MTSS1: variants seen among roughly 807,000 people sequenced by gnomAD.
MTSS1 encodes MTSS I-BAR domain containing 1.
A neutral mutation model predicts 79.0 loss-of-function variants in MTSS1; 18 were observed. The observed-to-expected ratio is 0.23, with a 90% CI of 0.16 to 0.34. The LOEUF is 0.34. Among genes scored for constraint, MTSS1 ranks in the 10% least tolerant of loss-of-function variants. The pLI is 1.00. For synonymous variants in MTSS1, 341 were observed against 368.6 expected (o/e 0.93, Z 0.86); for missense variants, 815 against 986.2 (o/e 0.83, Z 2.33).
chr8:124,622,220 G>T lies in MTSS1; in HGVS notation c.209-30985C>A, dbSNP rs1459255197. On this transcript the variant is annotated intron_variant, in intron 3 of 13. Coordinates refer to ENST00000518547, the MANE Select transcript of MTSS1 (RefSeq NM_014751.6). ...AGACACAGAAAGACAAACACTGCAT[G>T]ACCTTGCTTGTATGTGATCTTACTT... 7.2e-5 allele frequency among the ~76,000 whole-genome samples: 11 copies of T among 152,134 alleles called. No individual in the cohort carries two copies. In the East Asian group the frequency reaches 2.1e-3, roughly 29 times the overall value.
intron 3 of MTSS1, among the ~76,000 whole-genome samples, chr8:124,662,094 G>A (rs567297679): frequency 3.2e-4 from 49 of 152,288 alleles, no homozygotes; most frequent in African/African-American, 1.2e-3. Context: ...AAAGGCAGGG[G>A]TGGCATGTTA....
intron 3 of MTSS1, among the ~76,000 whole-genome samples, chr8:124,681,385 G>C (rs1390778793): frequency 6.6e-6 from 1 of 152,090 alleles, no homozygotes. Context: ...GTTTTGTTTT[G>C]AGGTATGTCT....
At chr8:124,684,095 CCTTT>C (rs1478616476) in intron 3 of MTSS1, among the ~76,000 whole-genome samples, 2 of 151,958 alleles carry the variant, frequency 1.3e-5, no homozygotes, top group Admixed American at 1.3e-4. Flanking sequence ...ATAGCAAAAA[CCTTT>C]CTTTATTTCT....
In MTSS1 at chr8:124,727,831, G is replaced by A. The variant is rs762854055; in HGVS notation, c.72+53C>T. 6.8e-7 allele frequency: 1 copy of A among 1,471,832 alleles called. No individual in the cohort carries two copies. The highest frequency in any genetic ancestry group is 9.1e-7 in the Non-Finnish European group (1 of 1,103,570). The allele number at this position is 1,471,832 out of a possible 1,614,324, so 91.2% of individuals were successfully genotyped here. A position where few individuals can be genotyped will look rare whatever the true frequency, so the allele number is the denominator to read the frequency against. ...GCCCGGGGTGGAGGCGAAGCGCGGC[G>A]GCGAGGTCAGAGCGCGGCGGCCGGC... On this transcript the variant is annotated intron_variant, in intron 1 of 13. Coordinates refer to ENST00000518547, the MANE Select transcript of MTSS1 (RefSeq NM_014751.6). This position sits in a 1 kb window ranked among gnomAD's most constrained non-coding sequence, Gnocchi z 4.7.
intron 13 of MTSS1, among the ~76,000 whole-genome samples, chr8:124,555,459 G>T (rs1211947500): frequency 1.3e-5 from 2 of 152,076 alleles, no homozygotes. Context: ...TGTTAGCCAG[G>T]ATAGTCTCGA....
chr8:124,601,184 C>T (rs1018885370), intron 3 of MTSS1, among the ~76,000 whole-genome samples: 5 of 151,816 alleles, frequency 3.3e-5, no homozygotes, highest in African/African-American at 9.7e-5. Context: ...CCTCAGCCAC[C>T]CGAGTACCTG....
chr8:124,661,324 T>C (rs958386440), intron 3 of MTSS1, among the ~76,000 whole-genome samples: 1 of 145,516 alleles, frequency 6.9e-6, no homozygotes, highest in South Asian at 2.2e-4. Flanking sequence ...TTCTTCTAGG[T>C]TTTTTTTTTT....
chr8:124,615,410 A>G (rs2133385150), intron 3 of MTSS1, among the ~76,000 whole-genome samples: 1 of 152,360 alleles, frequency 6.6e-6, no homozygotes, highest in African/African-American at 2.4e-5. Flanking sequence ...AAATCCTGAC[A>G]CAGGCTCCAA....
At chr8:124,674,187 G>A (rs1824845738) in intron 3 of MTSS1, among the ~76,000 whole-genome samples, 1 of 152,106 alleles carries the variant, frequency 6.6e-6, no homozygotes. Context: ...CTGGAGTGCA[G>A]TGCCACAATC....
At chr8:124,587,101 C>T (rs1036503576) in intron 5 of MTSS1, among the ~76,000 whole-genome samples, 3 of 152,186 alleles carry the variant, frequency 2.0e-5, no homozygotes, top group Admixed American at 6.5e-5. Flanking sequence ...AAGTCTGCAC[C>T]GGCTCCTCAC....
At chr8:124,585,049 T>G (rs763116077) in intron 6 of MTSS1, 38 bp downstream of exon 6, 13 of 1,554,624 alleles carry the variant, frequency 8.4e-6, no homozygotes, top group Non-Finnish European at 1.1e-5. Flanking sequence ...AAGTACTCCA[T>G]CAGGAAGTAA....
At chr8:124,689,869 T>C (rs999618718) in intron 3 of MTSS1, among the ~76,000 whole-genome samples, 1 of 151,756 alleles carries the variant, frequency 6.6e-6, no homozygotes. Context: ...GCAGTGGGGA[T>C]GGGGTGGGGT....
At chr8:124,568,270 T>A in intron 7 of MTSS1, 109 bp downstream of exon 7, 5 of 1,317,048 alleles carry the variant, frequency 3.8e-6, no homozygotes, top group Non-Finnish European at 5.2e-6. Context: ...ACCACCATCA[T>A]GATTCCTGAC....
chr8:124,592,043 C>T (rs1455465375), intron 3 of MTSS1, among the ~76,000 whole-genome samples: 1 of 152,132 alleles, frequency 6.6e-6, no homozygotes, highest in African/African-American at 2.4e-5. Context: ...ACCTCAGCCT[C>T]CCAAAGTGCT....
At chr8:124,710,423 C>G (rs775027328) in intron 1 of MTSS1, among the ~76,000 whole-genome samples, 19 of 131,336 alleles carry the variant, frequency 1.4e-4, no homozygotes, top group Non-Finnish European at 3.0e-4. Context: ...AGTTTGGTGG[C>G]CACCTAAACA....
In MTSS1 at chr8:124,692,584, C is replaced by A. The variant is rs530271425; in HGVS notation, c.208+6942G>T. 2.0e-4 allele frequency among the ~76,000 whole-genome samples: 31 copies of A among 152,278 alleles called. 1 individual carries two copies. The South Asian group carries it at 6.4e-3, about 32-fold the overall frequency. ...GCTGGGAACCCAAACAACCCAGCAC[C>A]TTCTCCCCTCAGAGGAAAGATTCCC... is the stretch of plus-strand genomic sequence containing the variant. On this transcript the variant is annotated intron_variant, in intron 3 of 13. Coordinates refer to ENST00000518547, the MANE Select transcript of MTSS1 (RefSeq NM_014751.6).
chr8:124,593,187 A>C (rs890833678), intron 3 of MTSS1, among the ~76,000 whole-genome samples: 1 of 152,194 alleles, frequency 6.6e-6, no homozygotes, highest in African/African-American at 2.4e-5. Flanking sequence ...TACTGCATAT[A>C]AGCAAAGACG....
chr8:124,670,032 C>T (rs555572747), intron 3 of MTSS1, among the ~76,000 whole-genome samples: 3 of 152,276 alleles, frequency 2.0e-5, no homozygotes, highest in African/African-American at 4.8e-5. Context: ...AAAGTGCTGC[C>T]CTCATGGAGC....
At chr8:124,625,655 C>T (rs186763861) in intron 3 of MTSS1, among the ~76,000 whole-genome samples, 168 of 152,324 alleles carry the variant, frequency 1.1e-3, no homozygotes, top group South Asian at 4.1e-3. Flanking sequence ...AAGGCACTCC[C>T]CCTGACCCCA....
Sources: allele counts gnomAD v4.1 joint callset (sites outside exome capture counted in the v4.1 genomes callset), GRCh38; gene constraint gnomAD v4.1.1; non-coding constraint Gnocchi (gnomAD v3.1); transcripts MANE v1.5; gene names NCBI Gene and HGNC (gene_info 2026-07-23, HGNC 2026-07-21).